Variants in HYDIN observed in about 807,000 individuals in gnomAD.
The protein encoded by HYDIN is HYDIN axonemal central pair apparatus protein.
HYDIN carries 132 observed loss-of-function variants against 403.9 expected under a neutral mutation model. That is an observed-to-expected ratio of 0.33 (90% CI 0.28 to 0.38). The LOEUF is 0.38. Among genes scored for constraint, HYDIN ranks in the 10% least tolerant of loss-of-function variants. The probability of loss-of-function intolerance (pLI) is 1.00; values close to 1 mark genes in which losing one functional copy is unlikely to be tolerated. For synonymous variants in HYDIN, 1,202 were observed against 1,891.7 expected, an observed-to-expected ratio of 0.64 and a Z score of 9.46; for missense variants, 2,827 against 5,009.5, an observed-to-expected ratio of 0.56 and a Z score of 13.15.
At chr16:70,940,840 C>T (rs1021293112) in intron 43 of HYDIN, among the ~76,000 whole-genome samples, 1 of 152,202 alleles carries the variant, frequency 6.6e-6, no homozygotes, top group Non-Finnish European at 1.5e-5. Context: ...AGCGGTAAGC[C>T]GGAGTGAGGA....
intron 7 of HYDIN, among the ~76,000 whole-genome samples, chr16:71,137,977 A>AT (rs754911119): frequency 2.6e-5 from 4 of 152,074 alleles, no homozygotes; most frequent in Non-Finnish European, 5.9e-5. Context: ...TAGTGGCCAC[A>AT]TAAAAAGAAG....
intron 10 of HYDIN, among the ~76,000 whole-genome samples, chr16:71,102,833 C>T (rs1246246452): frequency 7.0e-6 from 1 of 142,580 alleles, no homozygotes; most frequent in Non-Finnish European, 1.5e-5. Flanking sequence ...CTTTTAGAAT[C>T]TTTAATACTT....
At chr16:71,070,048 A>G (rs2082412243) in intron 13 of HYDIN, among the ~76,000 whole-genome samples, 1 of 152,162 alleles carries the variant, frequency 6.6e-6, no homozygotes, top group Admixed American at 6.5e-5. Flanking sequence ...ATGACACAGT[A>G]TCAAAAAATA....
chr16:71,228,052 A>G (rs1261092085), intron 1 of HYDIN, among the ~76,000 whole-genome samples: 1 of 152,024 alleles, frequency 6.6e-6, no homozygotes, highest in South Asian at 2.1e-4. Flanking sequence ...CAAAAACAAG[A>G]AATGGGGAAA....
intron 6 of HYDIN, among the ~76,000 whole-genome samples, chr16:71,161,881 C>T (rs1239415340): frequency 2.0e-5 from 3 of 151,244 alleles, no homozygotes; most frequent in African/African-American, 2.4e-5. Flanking sequence ...GAGCAAACAC[C>T]GATTATACAG....
intron 5 of HYDIN, among the ~76,000 whole-genome samples, chr16:71,169,848 TATTA>T (rs1319862645): frequency 6.6e-5 from 10 of 152,208 alleles, no homozygotes; most frequent in Non-Finnish European, 1.2e-4. Context: ...GTAATGTATA[TATTA>T]ATTAGATAAT....
At chr16:71,169,358 G>C (rs2086370460) in intron 5 of HYDIN, among the ~76,000 whole-genome samples, 2 of 152,128 alleles carry the variant, frequency 1.3e-5, no homozygotes, top group African/African-American at 4.8e-5. Context: ...GTTTGAGCCT[G>C]GGAGGTAGAG....
intron 10 of HYDIN, among the ~76,000 whole-genome samples, chr16:71,108,657 G>C (rs2083704991): frequency 6.6e-6 from 1 of 151,874 alleles, no homozygotes; most frequent in African/African-American, 2.4e-5. Context: ...TGTATATTAT[G>C]CATATTGAAA....
chr16:71,164,807 G>T (rs867333838), intron 5 of HYDIN, among the ~76,000 whole-genome samples: 1 of 133,220 alleles, frequency 7.5e-6, no homozygotes, highest in Non-Finnish European at 1.6e-5. Flanking sequence ...GCCCAAAGGG[G>T]GAACCTTTTT....
chr16:71,106,725 A>T (rs1486062399), intron 10 of HYDIN, among the ~76,000 whole-genome samples: 1 of 151,514 alleles, frequency 6.6e-6, no homozygotes, highest in East Asian at 1.9e-4. Context: ...ATACAACTAG[A>T]GCAAAAGTAG....
chr16:71,186,775 C>A lies in HYDIN; in HGVS notation c.121G>T (p.Glu41Ter). ...PLSPKVVTEE[E>*]VNRMLTPSEF... Reference sequence around the variant, plus strand: ...GGATACATTACCATTCGGTTTACTTCTTCTTCTGTAACCACCTTTGGACTC... The same window carrying A: ...GGATACATTACCATTCGGTTTACTTATTCTTCTGTAACCACCTTTGGACTC... The change falls in exon 2 of 86, where the codon GAA becomes TAA. Residue 41 changes from glutamate to a stop codon, truncating the protein, a stop_gained. Coordinates refer to ENST00000393567, the MANE Select transcript of HYDIN (RefSeq NM_001270974.2). LOFTEE classifies it high-confidence loss of function. The A allele has an allele frequency of 2.5e-6, 4 of 1,612,754 alleles. No individual in the cohort carries two copies. Among genetic ancestry groups the A allele is most frequent in the Non-Finnish European group, 3.4e-6 (4 of 1,179,294 alleles).
At chr16:71,200,861 C>T (rs1444007608) in intron 1 of HYDIN, among the ~76,000 whole-genome samples, 2 of 152,130 alleles carry the variant, frequency 1.3e-5, no homozygotes, top group Non-Finnish European at 2.9e-5. Context: ...AGGCAAAGTA[C>T]TTATCTCTGA....
At chr16:70,811,155 G>T (rs951291670) in intron 84 of HYDIN, among the ~76,000 whole-genome samples, 5 of 152,244 alleles carry the variant, frequency 3.3e-5, no homozygotes, top group Non-Finnish European at 7.4e-5. Flanking sequence ...CAGAGGCTGG[G>T]CTCAGTGGCT....
At position 71,229,944 on chromosome 16, in the gene HYDIN, T is replaced by C. The variant is rs373134389; in HGVS notation, c.-24+618A>G. On this transcript the variant is annotated intron_variant, in intron 1 of 85. Transcript: ENST00000393567. ...ACTTAATCATGGGGGTGGGTTTTCC[T>C]GGGTTGTTCTCATGATAGTGACTGA... Among the ~76,000 whole-genome samples the C allele has an allele frequency of 3.2e-4, 49 of 152,266 alleles. No individual in the cohort carries two copies. In the South Asian group the frequency reaches 9.5e-3, roughly 30 times the overall value.
At chr16:71,203,540 C>T (rs1207051210) in intron 1 of HYDIN, among the ~76,000 whole-genome samples, 1 of 152,082 alleles carries the variant, frequency 6.6e-6, no homozygotes, top group Non-Finnish European at 1.5e-5. Context: ...CTTTTTGTAC[C>T]TATATATAAT....
intron 66 of HYDIN, among the ~76,000 whole-genome samples, chr16:70,866,828 C>A (rs58083651): frequency 2.7e-4 from 41 of 151,920 alleles, no homozygotes; most frequent in African/African-American, 9.2e-4. Flanking sequence ...AGTTTGAGAC[C>A]AGCCTGGCCA....
intron 9 of HYDIN, among the ~76,000 whole-genome samples, chr16:71,124,210 A>G (rs951755320): frequency 1.3e-4 from 20 of 152,028 alleles, no homozygotes; most frequent in Admixed American, 1.2e-3. Context: ...AATGGACCCT[A>G]CAGCCTTGTT....
At chr16:71,145,861 C>A (rs901753041) in intron 7 of HYDIN, among the ~76,000 whole-genome samples, 3 of 152,072 alleles carry the variant, frequency 2.0e-5, no homozygotes, top group Non-Finnish European at 4.4e-5. Flanking sequence ...GGGTGAGCCA[C>A]TTAATTTCTT....
chr16:70,807,533 TAA>T lies in HYDIN; in HGVS notation c.*45_*46del, dbSNP rs2035163231. The T allele has an allele frequency of 1.9e-6, 3 of 1,541,580 alleles. No homozygotes were observed. Among genetic ancestry groups the T allele is most frequent in the Non-Finnish European group, 2.6e-6 (3 of 1,145,478 alleles). ...TTGTTTTCTCTATTCTTTTTCAGGC[TAA>T]GACAATGCATAGCTTTTGGTTGATA... On this transcript the variant is annotated 3_prime_UTR_variant, in exon 86 of 86. Transcript: ENST00000393567.
Sources: allele counts gnomAD v4.1 joint callset (sites outside exome capture counted in the v4.1 genomes callset), GRCh38; gene constraint gnomAD v4.1.1; transcripts MANE v1.5; gene names NCBI Gene and HGNC (gene_info 2026-07-23, HGNC 2026-07-21).